The following UBE2E1 variants were observed in gnomAD, a reference collection of about 807,000 sequenced individuals.
The protein encoded by UBE2E1 is ubiquitin conjugating enzyme E2 E1, also known as ubiquitin-conjugating enzyme E2 E1.
A neutral mutation model predicts 21.4 loss-of-function variants in UBE2E1; 6 were observed. The ratio of observed to expected loss-of-function variants is 0.28; its 90% CI spans 0.15 to 0.55. UBE2E1 has a LOEUF of 0.55. Ranked by LOEUF, UBE2E1 falls within the 20% of genes least tolerant of loss-of-function variation. The pLI is 0.93. For missense variants in UBE2E1, 142 were observed against 236.5 expected (o/e 0.60, Z 2.62); for synonymous variants, 87 against 82.7 (o/e 1.05, Z -0.28).
In UBE2E1 at chr3:23,842,598, A is replaced by G. The variant is rs1049930346; in HGVS notation, c.203+31088A>G. On this transcript the variant is annotated intron_variant, in intron 3 of 5. Transcript: ENST00000306627. The surrounding 1 kb of genome is among the most constrained non-coding windows in gnomAD (Gnocchi z 4.6). ...TCCTTTTGTTATGTAAGCTGAATTC[A>G]TAGCTTGAGGAAATAAGTCGGAGTC... Among the ~76,000 whole-genome samples the G allele has an allele frequency of 7.9e-5, 12 of 152,336 alleles. No individual in the cohort carries two copies. Among genetic ancestry groups the G allele is most frequent in the Admixed American group, 3.9e-4 (6 of 15,300 alleles).
Position 23,842,249 on chromosome 3 carries a change from G to GTGTGTGTGTGTGTGTGT in UBE2E1, c.203+30739_203+30740insTGTGTGTGTGTGTGTGT, listed in dbSNP as rs58491698. On this transcript the variant is annotated intron_variant, in intron 3 of 5. Transcript: ENST00000306627. This position sits in a 1 kb window ranked among gnomAD's most constrained non-coding sequence, Gnocchi z 4.6. Reference sequence around the variant, plus strand: ...TGTGTGTGTGTGTGTGTGTGTGTGTGGTGTTGTTGTTGTTGGCGACAGGGT... The same window carrying GTGTGTGTGTGTGTGTGT: ...TGTGTGTGTGTGTGTGTGTGTGTGTGTGTGTGTGTGTGTGTGTGTGTTGTTGTTGTTGGCGACAGGGT... Among the ~76,000 whole-genome samples, 1 of 98,222 alleles carries GTGTGTGTGTGTGTGTGT rather than the reference G, an allele frequency of 1.0e-5. No individual in the cohort carries two copies. The highest frequency in any genetic ancestry group is 2.1e-5 in the Non-Finnish European group (1 of 48,518). The allele number at this position is 98,222 out of a possible 152,430, so 64.4% of individuals were successfully genotyped here.
rs951295085 is a variant in UBE2E1, at chr3:23,849,311, G to T, written c.203+37801G>T. ...TGAAGTGTTGTTTCATTGTGTCTTT[G>T]ATTTTCTTTCTTTTTAAAAAAATTT... On this transcript the variant is annotated intron_variant, in intron 3 of 5. Transcript: ENST00000306627. Among the ~76,000 whole-genome samples, 3 of 151,956 alleles carry T rather than the reference G, an allele frequency of 2.0e-5. No individual in the cohort carries two copies. In the South Asian group the frequency reaches 6.2e-4, roughly 32 times the overall value.
chr3:23,881,040 A>G (rs1169604306), intron 3 of UBE2E1, among the ~76,000 whole-genome samples: 1 of 152,184 alleles, frequency 6.6e-6, no homozygotes, highest in Non-Finnish European at 1.5e-5. Flanking sequence ...TTAGGGGGAA[A>G]ATGTCTCCAG....
chr3:23,871,617 G>A (rs1222117850), intron 3 of UBE2E1, among the ~76,000 whole-genome samples: 1 of 151,684 alleles, frequency 6.6e-6, no homozygotes, highest in Admixed American at 6.5e-5. Flanking sequence ...CTTCTCAGAC[G>A]GGGCGGTTGC....
At chr3:23,827,433 A>G (rs995754737) in intron 3 of UBE2E1, among the ~76,000 whole-genome samples, 4 of 152,210 alleles carry the variant, frequency 2.6e-5, no homozygotes, top group Non-Finnish European at 5.9e-5. Flanking sequence ...TAAAAATAGG[A>G]TAAAGCTTTA....
chr3:23,882,194 T>C (rs1701060719), intron 3 of UBE2E1, among the ~76,000 whole-genome samples: 1 of 152,148 alleles, frequency 6.6e-6, no homozygotes, highest in African/African-American at 2.4e-5. Flanking sequence ...CCCACCCACA[T>C]GTTACTGATT....
intron 3 of UBE2E1, among the ~76,000 whole-genome samples, chr3:23,831,313 G>A (rs1699861695): frequency 6.6e-6 from 1 of 152,180 alleles, no homozygotes; most frequent in African/African-American, 2.4e-5. Flanking sequence ...GCTCCTGGCT[G>A]CCCACAGCCT....
chr3:23,863,131 T>A lies in UBE2E1; in HGVS notation c.204-24436T>A, dbSNP rs28679835. Among the ~76,000 whole-genome samples, 2,040 of 152,276 alleles carry A rather than the reference T, an allele frequency of 0.013. 48 individuals carry two copies. The highest frequency in any genetic ancestry group is 0.045 in the African/African-American group (1,879 of 41,530). On this transcript the variant is annotated intron_variant, in intron 3 of 5. Transcript: ENST00000306627. The surrounding 1 kb of genome is among the most constrained non-coding windows in gnomAD (Gnocchi z 4.3). ...CTTGTACCTCCTTGAGCCGAGTACT[T>A]TGTTGTTTATATCCTGTTTTTAGGT...
At chr3:23,867,066 A>G (rs1457455913) in intron 3 of UBE2E1, among the ~76,000 whole-genome samples, 4 of 147,052 alleles carry the variant, frequency 2.7e-5, no homozygotes, top group African/African-American at 1.0e-4. Context: ...CCTTCTCCTC[A>G]TCTTTTTTTT....
At chr3:23,862,098 C>G (rs970621837) in intron 3 of UBE2E1, among the ~76,000 whole-genome samples, 1 of 152,208 alleles carries the variant, frequency 6.6e-6, no homozygotes, top group African/African-American at 2.4e-5. Flanking sequence ...CTGTATGCTC[C>G]CCTAGAGGTT....
intron 3 of UBE2E1, among the ~76,000 whole-genome samples, chr3:23,873,482 C>T (rs1308625624): frequency 2.0e-5 from 3 of 152,116 alleles, no homozygotes; most frequent in African/African-American, 7.2e-5. Context: ...CGCGGTGGCT[C>T]ACGCCTGTAA....
intron 3 of UBE2E1, among the ~76,000 whole-genome samples, chr3:23,860,911 C>T (rs1345241833): frequency 3.3e-5 from 5 of 152,184 alleles, no homozygotes; most frequent in African/African-American, 9.6e-5. Flanking sequence ...GATTGTTTTT[C>T]GAAATGTTAA....
Position 23,857,977 on chromosome 3 carries a change from G to A in UBE2E1, c.204-29590G>A, listed in dbSNP as rs376806997. On this transcript the variant is annotated intron_variant, in intron 3 of 5. Coordinates refer to ENST00000306627, the MANE Select transcript of UBE2E1 (RefSeq NM_003341.5). ...CTCTGTCACCCAGGTTCATGCCACC[G>A]TGCCTGGCTAATTTTTGTATTTTTA... Among the ~76,000 whole-genome samples the A allele has an allele frequency of 1.6e-4, 24 of 152,132 alleles. No homozygotes were observed. The East Asian group carries it at 3.1e-3, about 20-fold the overall frequency.
At chr3:23,840,814 T>A in intron 3 of UBE2E1, among the ~76,000 whole-genome samples, 1 of 152,218 alleles carries the variant, frequency 6.6e-6, no homozygotes, top group African/African-American at 2.4e-5. Flanking sequence ...TTGTGAACTC[T>A]GACCACTTAG....
chr3:23,832,359 G>C (rs531455635), intron 3 of UBE2E1, among the ~76,000 whole-genome samples: 12 of 152,148 alleles, frequency 7.9e-5, no homozygotes, highest in African/African-American at 2.7e-4. Flanking sequence ...ATAGAGGTGT[G>C]GGGGGCTGGG....
chr3:23,850,293 G>C (rs1031588595), intron 3 of UBE2E1, among the ~76,000 whole-genome samples: 1 of 152,050 alleles, frequency 6.6e-6, no homozygotes, highest in Non-Finnish European at 1.5e-5. Flanking sequence ...GAGCCACTGT[G>C]CCTGGCCATT....
chr3:23,883,954 T>C lies in UBE2E1; in HGVS notation c.204-3613T>C, dbSNP rs1353158808. Among the ~76,000 whole-genome samples, 5 of 151,986 alleles carry C rather than the reference T, an allele frequency of 3.3e-5. No homozygotes were observed. The East Asian group carries it at 9.6e-4, about 29-fold the overall frequency. On this transcript the variant is annotated intron_variant, in intron 3 of 5. Transcript: ENST00000306627. ...ATATTCAGGTAACAATGCTTGGTCT[T>C]TTCCAGTGGATTCTCAAGACCATTC...
intron 3 of UBE2E1, among the ~76,000 whole-genome samples, chr3:23,838,697 A>G (rs371226514): frequency 5.3e-5 from 8 of 152,004 alleles, no homozygotes; most frequent in Admixed American, 3.3e-4. Flanking sequence ...GAGTTTCACC[A>G]TGTTGGCCAG....
intron 3 of UBE2E1, among the ~76,000 whole-genome samples, chr3:23,829,402 C>T (rs1699821894): frequency 1.3e-5 from 2 of 151,590 alleles, no homozygotes; most frequent in African/African-American, 2.4e-5. Flanking sequence ...TCAGATGATC[C>T]TCCTGCCTCA....
Sources: allele counts gnomAD v4.1 joint callset (sites outside exome capture counted in the v4.1 genomes callset), GRCh38; gene constraint gnomAD v4.1.1; non-coding constraint Gnocchi (gnomAD v3.1); transcripts MANE v1.5; gene names NCBI Gene and HGNC (gene_info 2026-07-23, HGNC 2026-07-21).